Variants in AMMECR1L observed in about 807,000 individuals in gnomAD.
AMMECR1L encodes AMMECR1 like.
Under a neutral mutation model 36.8 loss-of-function variants are expected in AMMECR1L, and 4 were observed. The ratio of observed to expected loss-of-function variants is 0.11; its 90% confidence interval spans 0.05 to 0.25. The LOEUF (loss-of-function observed/expected upper bound fraction) is 0.25. AMMECR1L is among the 10% of genes least tolerant of loss of function. The pLI, the probability that AMMECR1L is intolerant of heterozygous loss-of-function variation, is 1.00. For missense variants in AMMECR1L, 232 were observed against 392.1 expected (o/e 0.59, Z 3.45); for synonymous variants, 147 against 148.0 (o/e 0.99, Z 0.05).
chr2:127,873,456 A>G lies in AMMECR1L; in HGVS notation c.407+372T>C, dbSNP rs556498924. The G allele has an allele frequency of 2.3e-5, 23 of 985,434 alleles. No homozygotes were observed. The South Asian group carries it at 9.9e-4, about 42-fold the overall frequency. 61.0% of individuals were successfully genotyped at this position (985,434 alleles called of 1,614,324 possible). ...TCCTAGTCTCCAGCCTGGCCCTCAG[A>G]CTTCCAACTCACCTGGACTTCAACA... On this transcript the variant is annotated intron_variant, in intron 3 of 7. Coordinates refer to ENST00000272647, the MANE Select transcript of AMMECR1L (RefSeq NM_001199140.2). The surrounding 1 kb of genome is among the most constrained non-coding windows in gnomAD (Gnocchi z 5.2).
intron 2 of AMMECR1L, among the ~76,000 whole-genome samples, chr2:127,875,829 T>TGTC (rs1325735587): frequency 5.3e-5 from 8 of 152,252 alleles, no homozygotes; most frequent in African/African-American, 1.9e-4. Flanking sequence ...GGTCTCATTC[T>TGTC]GTCACCCACC....
Position 127,873,967 on chromosome 2 carries a change from G to C in AMMECR1L, c.268C>G (p.Pro90Ala), listed in dbSNP as rs374076567. ...NPASGALSPL[P>A]RPNGTANTTK... ...GTGTTGGCAGTTCCATTAGGCCGGGGAAGAGGGCTCAGCGCTCCCGATGCG... is the reference window on the plus strand; with the variant it reads ...GTGTTGGCAGTTCCATTAGGCCGGGCAAGAGGGCTCAGCGCTCCCGATGCG... The change falls in exon 3 of 8, where the codon CCC (proline) becomes GCC (alanine). Residue 90 changes from proline to alanine, a missense_variant. Pro to Ala is a conservative substitution (Grantham distance 27, BLOSUM62 -1). Around this residue, in one of 3 missense-constraint regions of AMMECR1L, gnomAD observed 109 missense variants for 128.1 expected, o/e 0.85. Transcript: ENST00000272647. This position sits in a 1 kb window ranked among gnomAD's most constrained non-coding sequence, Gnocchi z 5.2. 6.2e-7 allele frequency: 1 copy of C among 1,614,248 alleles called. No individual in the cohort carries two copies. The highest frequency in any genetic ancestry group is 8.5e-7 in the Non-Finnish European group (1 of 1,180,042).
intron 3 of AMMECR1L, among the ~76,000 whole-genome samples, chr2:127,872,019 C>T (rs886641096): frequency 1.3e-5 from 2 of 151,904 alleles, no homozygotes; most frequent in African/African-American, 4.8e-5. Context: ...CGAAACCCCG[C>T]CTCTACTAGA....
rs1052162386 is a variant in AMMECR1L, at chr2:127,873,352, C to G, written c.407+476G>C. The stretch of plus-strand genomic sequence containing the variant: ...TCTTGATGGGATGTGAGTGGCCCTA[C>G]AGGTTTACCAAGGGATTTCTCATGA... On this transcript the variant is annotated intron_variant, in intron 3 of 7. Coordinates refer to ENST00000272647, the MANE Select transcript of AMMECR1L (RefSeq NM_001199140.2). The surrounding 1 kb of genome is among the most constrained non-coding windows in gnomAD (Gnocchi z 5.2). The G allele has an allele frequency of 6.1e-6, 6 of 985,456 alleles. No homozygotes were observed. Among genetic ancestry groups the G allele is most frequent in the South Asian group, 4.7e-5 (1 of 21,290 alleles). 61.0% of individuals were successfully genotyped at this position (985,456 alleles called of 1,614,324 possible). A position where few individuals can be genotyped will look rare whatever the true frequency, so the allele number is the denominator to read the frequency against.
chr2:127,885,165 G>C (rs1348861120), intron 1 of AMMECR1L: 147 of 985,110 alleles, frequency 1.5e-4, no homozygotes, highest in Non-Finnish European at 1.7e-4. Flanking sequence ...TAAGGAAGGA[G>C]GGCCCAAGAG....
Position 127,871,488 on chromosome 2 carries a change from C to G in AMMECR1L, c.408-129G>C, listed in dbSNP as rs575210650. 9 of 866,832 alleles carry G rather than the reference C, an allele frequency of 1.0e-5. 1 individual carries two copies. In the South Asian group the frequency reaches 1.5e-4, roughly 14 times the overall value. 53.7% of individuals were successfully genotyped at this position (866,832 alleles called of 1,614,324 possible). A position where few individuals can be genotyped will look rare whatever the true frequency, so the allele number is the denominator to read the frequency against. ...TCCCTGTTTTTGGACTTGCCAGCTA[C>G]CCGAAGGACTCTCTGCCTTTCTGAA... On this transcript the variant is annotated intron_variant, in intron 3 of 7. Coordinates refer to ENST00000272647, the MANE Select transcript of AMMECR1L (RefSeq NM_001199140.2). This position sits in a 1 kb window ranked among gnomAD's most constrained non-coding sequence, Gnocchi z 4.3.
chr2:127,873,987 G>C lies in AMMECR1L; in HGVS notation c.248C>G (p.Ser83Trp). The change falls in exon 3 of 8, where the codon TCG becomes TGG. Residue 83 changes from serine (S) to tryptophan (W), a missense_variant. Physicochemically the swap from Ser to Trp is radical, Grantham distance 177. Around this residue, in one of 3 missense-constraint regions of AMMECR1L, gnomAD observed 109 missense variants for 128.1 expected, o/e 0.85. Transcript: ENST00000272647. The surrounding 1 kb of genome is among the most constrained non-coding windows in gnomAD (Gnocchi z 5.2). Reference protein sequence around the residue: ...NSPITRMNPASGALSPLPRPN... With the variant: ...NSPITRMNPAWGALSPLPRPN... ...CCGGGGAAGAGGGCTCAGCGCTCCC[G>C]ATGCGGGATTCATTCGTGTGATGGG... 6.2e-7 allele frequency: 1 copy of C among 1,614,228 alleles called. No homozygotes were observed. Among genetic ancestry groups the C allele is most frequent in the African/African-American group, 1.3e-5 (1 of 75,054 alleles).
In AMMECR1L at chr2:127,865,453, A is replaced by G. The variant is rs923391548; in HGVS notation, c.822-248T>C. ...GTTTCAGCACATCCCACCTTGAAAC[A>G]CTACACGTGCTTATCATCAGGCTGC... is the stretch of plus-strand genomic sequence containing the variant. On this transcript the variant is annotated intron_variant, in intron 7 of 7. Transcript: ENST00000272647. The surrounding 1 kb of genome is among the most constrained non-coding windows in gnomAD (Gnocchi z 5.4). Among the ~76,000 whole-genome samples, 1 of 152,122 alleles carries G rather than the reference A, an allele frequency of 6.6e-6. No individual in the cohort carries two copies. Among genetic ancestry groups the G allele is most frequent in the African/African-American group, 2.4e-5 (1 of 41,420 alleles).
chr2:127,867,607 C>T (rs1236054239), intron 6 of AMMECR1L, among the ~76,000 whole-genome samples: 2 of 151,924 alleles, frequency 1.3e-5, no homozygotes, highest in South Asian at 2.1e-4. Context: ...ATTAAGTGAG[C>T]GTGTGGGATG....
At chr2:127,881,202 T>TA (rs1257555092) in intron 2 of AMMECR1L, among the ~76,000 whole-genome samples, 1 of 151,908 alleles carries the variant, frequency 6.6e-6, no homozygotes, top group African/African-American at 2.4e-5. Context: ...TTTTCAATGA[T>TA]AGAGCACTTT....
chr2:127,873,486 G>A lies in AMMECR1L; in HGVS notation c.407+342C>T. On this transcript the variant is annotated intron_variant, in intron 3 of 7. Coordinates refer to ENST00000272647, the MANE Select transcript of AMMECR1L (RefSeq NM_001199140.2). This position sits in a 1 kb window ranked among gnomAD's most constrained non-coding sequence, Gnocchi z 5.2. ...CAACTCACCTGGACTTCAACACTAT[G>A]GGTGTCCCCAATGGTATGGCGTGAC... 1.0e-6 allele frequency: 1 copy of A among 985,416 alleles called. No individual in the cohort carries two copies. The highest frequency in any genetic ancestry group is 1.2e-6 in the Non-Finnish European group (1 of 829,938). The allele number at this position is 985,416 out of a possible 1,614,324, so 61.0% of individuals were successfully genotyped here. A position where few individuals can be genotyped will look rare whatever the true frequency, so the allele number is the denominator to read the frequency against.
rs1691107249 is a variant in AMMECR1L, at chr2:127,873,932, ATTC to A, written c.300_302del (p.Lys100del). 6.2e-7 allele frequency: 1 copy of A among 1,614,046 alleles called. No individual in the cohort carries two copies. Among genetic ancestry groups the A allele is most frequent in the African/African-American group, 1.3e-5 (1 of 74,926 alleles). ...AGCACATCTCTGCAGTCACCACCAG[ATTC>A]TTAGTGGTGTTGGCAGTTCCATTAG... is the stretch of plus-strand genomic sequence containing the variant. On this transcript the variant is annotated inframe_deletion, in exon 3 of 8. Transcript: ENST00000272647. The surrounding 1 kb of genome is among the most constrained non-coding windows in gnomAD (Gnocchi z 5.2).
At position 127,865,446 on chromosome 2, in the gene AMMECR1L, T is replaced by A. The variant is rs1690640791; in HGVS notation, c.822-241A>T. 6.6e-6 allele frequency among the ~76,000 whole-genome samples: 1 copy of A among 151,906 alleles called. No individual in the cohort carries two copies. The highest frequency in any genetic ancestry group is 1.5e-5 in the Non-Finnish European group (1 of 67,958). On this transcript the variant is annotated intron_variant, in intron 7 of 7. Coordinates refer to ENST00000272647, the MANE Select transcript of AMMECR1L (RefSeq NM_001199140.2). The surrounding 1 kb of genome is among the most constrained non-coding windows in gnomAD (Gnocchi z 5.4). ...AGAATGTGTTTCAGCACATCCCACC[T>A]TGAAACACTACACGTGCTTATCATC...
rs765276070 is a variant in AMMECR1L at position 127,869,473 on chromosome 2, A to G, written c.705T>C (p.Pro235=). The G allele has an allele frequency of 3.1e-6, 5 of 1,613,596 alleles. No individual in the cohort carries two copies. The highest frequency in any genetic ancestry group is 1.7e-4 in the Middle Eastern group (1 of 6,060). ...KGVKRTATYL[P]EVAKEQDWDQ... is the part of the protein sequence containing the mutation. The stretch of plus-strand genomic sequence containing the variant: ...ACTCACCTTGTTCCTTAGCAACCTC[A>G]GGTAAATATGTGGCTGTGCGTTTGA... Residue 235 remains proline (P), a synonymous_variant, in exon 6 of 8, where the codon CCT becomes CCC. Coordinates refer to ENST00000272647, the MANE Select transcript of AMMECR1L (RefSeq NM_001199140.2). This position sits in a 1 kb window ranked among gnomAD's most constrained non-coding sequence, Gnocchi z 4.7.
rs1166867224 is a variant in AMMECR1L, at chr2:127,884,308, T to G, written c.-144A>C. On this transcript the variant is annotated 5_prime_UTR_variant, in exon 2 of 8. Transcript: ENST00000272647. ...TCCTTCCGATTCCATTCCTTCTTCCTGTACCTAAGACGGAAATGCAGGTGC... is the reference window on the plus strand; with the variant it reads ...TCCTTCCGATTCCATTCCTTCTTCCGGTACCTAAGACGGAAATGCAGGTGC... The G allele has an allele frequency of 6.6e-6, 1 of 151,526 alleles. No homozygotes were observed. The highest frequency in any genetic ancestry group is 1.5e-5 in the Non-Finnish European group (1 of 68,014). 9.4% of individuals were successfully genotyped at this position (151,526 alleles called of 1,614,324 possible).
intron 2 of AMMECR1L, among the ~76,000 whole-genome samples, chr2:127,880,235 T>TG (rs1691430643): frequency 6.6e-6 from 1 of 152,336 alleles, no homozygotes; most frequent in Admixed American, 6.5e-5. Flanking sequence ...GGCCTTCAGC[T>TG]GGTTACTTGC....
chr2:127,885,278 C>T, intron 1 of AMMECR1L: 1 of 983,256 alleles, frequency 1.0e-6, no homozygotes, highest in Non-Finnish European at 1.2e-6. Context: ...GGCCGAGGGA[C>T]AGGGTGAAAG....
intron 7 of AMMECR1L, 97 bp downstream of exon 7, chr2:127,866,803 C>T: frequency 8.6e-7 from 1 of 1,168,834 alleles, no homozygotes; most frequent in Non-Finnish European, 1.3e-6. Flanking sequence ...GATTTAGGGA[C>T]ATTCACAGAG....
intron 2 of AMMECR1L, among the ~76,000 whole-genome samples, chr2:127,877,501 A>T (rs914990994): frequency 3.3e-5 from 5 of 151,918 alleles, no homozygotes; most frequent in Non-Finnish European, 7.4e-5. Context: ...ATGTCTGGCT[A>T]ATTTTTGTAT....
Sources: gnomAD v4.1 joint callset for allele counts (sites outside exome capture counted in the v4.1 genomes callset) on GRCh38, gnomAD v4.1.1 for gene constraint, gnomAD v4.1.1 regional missense constraint, Gnocchi (gnomAD v3.1) non-coding constraint, MANE v1.5 for transcripts, NCBI Gene and HGNC (gene_info 2026-07-23, HGNC 2026-07-21) for gene names.